LSAMP: variants seen among roughly 807,000 people sequenced by gnomAD.
The protein encoded by LSAMP is limbic system associated membrane protein.
LSAMP carries 7 observed loss-of-function variants against 38.6 expected under a neutral mutation model. The ratio of observed to expected loss-of-function variants is 0.18; its 90% CI spans 0.10 to 0.34. The LOEUF (loss-of-function observed/expected upper bound fraction) is 0.34. Among genes scored for constraint, LSAMP ranks in the 10% least tolerant of loss-of-function variants. The pLI is 1.00. For missense variants in LSAMP, 313 were observed against 420.0 expected, an observed-to-expected ratio of 0.75 and a Z score of 2.23; for synonymous variants, 154 against 166.8, an observed-to-expected ratio of 0.92 and a Z score of 0.59.
chr3:116,342,769 TG>T (rs1398827416), intron 1 of LSAMP, among the ~76,000 whole-genome samples: 1 of 152,006 alleles, frequency 6.6e-6, no homozygotes, highest in Non-Finnish European at 1.5e-5. Flanking sequence ...GGAAGCTGCA[TG>T]GGGGAAATTT....
At chr3:115,988,074 G>A (rs1939564248) in intron 3 of LSAMP, among the ~76,000 whole-genome samples, 1 of 152,014 alleles carries the variant, frequency 6.6e-6, no homozygotes, top group Admixed American at 6.6e-5. Context: ...CATCTCCTCT[G>A]CAAAGATGAG....
intron 1 of LSAMP, among the ~76,000 whole-genome samples, chr3:116,374,960 A>G (rs1258573727): frequency 1.3e-5 from 2 of 152,110 alleles, no homozygotes; most frequent in East Asian, 3.9e-4. Context: ...TCTTTCTTCC[A>G]GGCTGCATAG....
chr3:116,123,402 G>A (rs1469242083), intron 1 of LSAMP, among the ~76,000 whole-genome samples: 1 of 152,142 alleles, frequency 6.6e-6, no homozygotes, highest in Non-Finnish European at 1.5e-5. Context: ...CAATGCATAT[G>A]AAAAAAATGG....
chr3:116,395,698 C>T (rs917539779), intron 1 of LSAMP, among the ~76,000 whole-genome samples: 1 of 152,080 alleles, frequency 6.6e-6, no homozygotes, highest in Admixed American at 6.6e-5. Context: ...AGAAACAGGG[C>T]AAGTAAAGCC....
intron 1 of LSAMP, among the ~76,000 whole-genome samples, chr3:116,237,390 G>A (rs1046817916): frequency 6.6e-6 from 1 of 152,198 alleles, no homozygotes; most frequent in Admixed American, 6.5e-5. Context: ...TAACCTCTGT[G>A]GTTATGGTGG....
At chr3:116,016,687 T>C (rs921849955) in intron 3 of LSAMP, among the ~76,000 whole-genome samples, 3 of 152,174 alleles carry the variant, frequency 2.0e-5, no homozygotes, top group African/African-American at 7.2e-5. Context: ...AAAGCAACCA[T>C]AGAGAATTTG....
chr3:115,815,913 A>C (rs1484070331), intron 6 of LSAMP, among the ~76,000 whole-genome samples: 1 of 152,192 alleles, frequency 6.6e-6, no homozygotes, highest in Non-Finnish European at 1.5e-5. Flanking sequence ...AGTAAGCAAC[A>C]AAGTGTCCAT....
intron 3 of LSAMP, among the ~76,000 whole-genome samples, chr3:115,907,455 A>T (rs1215459033): frequency 6.6e-6 from 1 of 151,984 alleles, no homozygotes; most frequent in Non-Finnish European, 1.5e-5. Context: ...TGCAGCAGAC[A>T]TCGAATCCAC....
intron 3 of LSAMP, among the ~76,000 whole-genome samples, chr3:115,905,335 T>A (rs1172031305): frequency 6.6e-6 from 1 of 152,050 alleles, no homozygotes; most frequent in African/African-American, 2.4e-5. Context: ...GTTGCTCTAA[T>A]ATGAGATACC....
At chr3:115,891,102 T>A (rs1936587410) in intron 3 of LSAMP, among the ~76,000 whole-genome samples, 1 of 151,932 alleles carries the variant, frequency 6.6e-6, no homozygotes, top group African/African-American at 2.4e-5. Context: ...AACAATACTT[T>A]CAGTTATATG....
At position 116,252,350 on chromosome 3, in the gene LSAMP, A is replaced by T. The variant is rs547065949; in HGVS notation, c.156-165794T>A. Among the ~76,000 whole-genome samples, 113 of 152,314 alleles carry T rather than the reference A, an allele frequency of 7.4e-4. 1 individual carries two copies. Among genetic ancestry groups the T allele is most frequent in the Non-Finnish European group, 1.3e-3 (89 of 68,026 alleles). On this transcript the variant is annotated intron_variant, in intron 1 of 6. Transcript: ENST00000490035. ...AATCTCACACCAAAAAGAAAACCTC[A>T]TGAAATCAATTGTGTAGACAAAGTG... is the stretch of plus-strand genomic sequence containing the variant.
At chr3:116,037,808 C>T (rs1941080530) in intron 2 of LSAMP, among the ~76,000 whole-genome samples, 1 of 151,852 alleles carries the variant, frequency 6.6e-6, no homozygotes, top group Admixed American at 6.6e-5. Flanking sequence ...TATATATAAT[C>T]ATACTGATAT....
intron 6 of LSAMP, among the ~76,000 whole-genome samples, chr3:115,822,678 A>C (rs1415169392): frequency 6.6e-6 from 1 of 152,060 alleles, no homozygotes; most frequent in Non-Finnish European, 1.5e-5. Context: ...TTCTTAGTTA[A>C]TAGGTGGACC....
chr3:116,403,842 C>G (rs192362434), intron 1 of LSAMP, among the ~76,000 whole-genome samples: 1 of 151,770 alleles, frequency 6.6e-6, no homozygotes, highest in African/African-American at 2.4e-5. Context: ...CCTCAAATTC[C>G]TGGGCTCAAG....
chr3:116,126,828 C>A (rs991913662), intron 1 of LSAMP, among the ~76,000 whole-genome samples: 4 of 152,042 alleles, frequency 2.6e-5, no homozygotes, highest in African/African-American at 9.7e-5. Context: ...TGCCACTGCA[C>A]TCCAGCCTGG....
At chr3:115,843,962 C>A (rs1041515566) in intron 4 of LSAMP, among the ~76,000 whole-genome samples, 5 of 152,162 alleles carry the variant, frequency 3.3e-5, no homozygotes, top group Non-Finnish European at 1.5e-5. Flanking sequence ...TGCCTTATTT[C>A]CGTATAAGCA....
At chr3:116,141,313 A>G (rs756254640) in intron 1 of LSAMP, among the ~76,000 whole-genome samples, 5 of 151,880 alleles carry the variant, frequency 3.3e-5, no homozygotes, top group Non-Finnish European at 7.4e-5. Context: ...ATTGGAAGAG[A>G]CATGCAAAGA....
chr3:116,251,481 G>A (rs566559884), intron 1 of LSAMP, among the ~76,000 whole-genome samples: 9 of 152,336 alleles, frequency 5.9e-5, no homozygotes, highest in African/African-American at 1.9e-4. Context: ...TCACAAGCAG[G>A]TGAAGTCATT....
chr3:115,884,036 T>C (rs1409399628), intron 3 of LSAMP, among the ~76,000 whole-genome samples: 2 of 152,028 alleles, frequency 1.3e-5, no homozygotes, highest in Non-Finnish European at 2.9e-5. Flanking sequence ...AAGCAGAGAA[T>C]GTAGTAATTG....
Sources: allele counts gnomAD v4.1 joint callset (sites outside exome capture counted in the v4.1 genomes callset), GRCh38; gene constraint gnomAD v4.1.1; transcripts MANE v1.5; gene names NCBI Gene and HGNC (gene_info 2026-07-23, HGNC 2026-07-21).